Variants in SLC30A9 observed in about 807,000 individuals in gnomAD.
The protein encoded by SLC30A9 is solute carrier family 30 member 9, also known as proton-coupled zinc antiporter SLC30A9, mitochondrial.
A neutral mutation model predicts 87.5 loss-of-function variants in SLC30A9; 58 were observed. The ratio of observed to expected loss-of-function variants is 0.66; its 90% CI spans 0.54 to 0.82. The LOEUF (loss-of-function observed/expected upper bound fraction) is 0.82, where lower values mean the gene tolerates loss of function less well. SLC30A9 is among the 40% of genes least tolerant of loss of function. SLC30A9 has a pLI of 0.00. For synonymous variants in SLC30A9, 234 were observed against 233.0 expected (o/e 1.00, Z -0.04); for missense variants, 557 against 679.1 (o/e 0.82, Z 2.00).
chr4:42,082,672 A>G (rs1718784488), intron 17 of SLC30A9, among the ~76,000 whole-genome samples: 1 of 152,148 alleles, frequency 6.6e-6, no homozygotes, highest in Admixed American at 6.5e-5. Context: ...ATATGGTGAA[A>G]CCCCATCTCT....
Position 42,038,974 on chromosome 4 carries a change from G to GT in SLC30A9, c.670-5dup. ...TTTGGAGGTATTAAAAAAAGTTTTTGTTTTTTTACAGCCACGCTCCAGAAC... is the reference window on the plus strand; with the variant it reads ...TTTGGAGGTATTAAAAAAAGTTTTTGTTTTTTTTACAGCCACGCTCCAGAAC... On this transcript the variant is annotated splice_polypyrimidine_tract_variant and intron_variant, in intron 7 of 17. Coordinates refer to ENST00000264451, the MANE Select transcript of SLC30A9 (RefSeq NM_006345.4). 2.5e-6 allele frequency: 4 copies of GT among 1,610,902 alleles called. No homozygotes were observed. Among genetic ancestry groups the GT allele is most frequent in the Non-Finnish European group, 1.7e-6 (2 of 1,177,910 alleles).
At chr4:42,084,303 T>C (rs1255541440) in intron 17 of SLC30A9, among the ~76,000 whole-genome samples, 2 of 152,174 alleles carry the variant, frequency 1.3e-5, no homozygotes, top group South Asian at 4.1e-4. Context: ...AAAAGTCTTA[T>C]ACTACTTCTC....
At chr4:42,019,301 CTCTA>C (rs1286982013) in intron 3 of SLC30A9, among the ~76,000 whole-genome samples, 5 of 151,996 alleles carry the variant, frequency 3.3e-5, no homozygotes, top group Admixed American at 3.3e-4. Flanking sequence ...GCTTATTTAT[CTCTA>C]TCATATGACC....
At chr4:42,035,553 A>G (rs1002443584) in intron 7 of SLC30A9, among the ~76,000 whole-genome samples, 1 of 148,728 alleles carries the variant, frequency 6.7e-6, no homozygotes, top group African/African-American at 2.5e-5. Context: ...GCTGGAGTGC[A>G]GTAGTGTAAT....
At chr4:42,057,937 A>G (rs1257472886) in intron 9 of SLC30A9, among the ~76,000 whole-genome samples, 5 of 151,756 alleles carry the variant, frequency 3.3e-5, no homozygotes, top group African/African-American at 1.2e-4. Context: ...CCCCATCTCT[A>G]CTAAAAATAC....
chr4:42,022,518 TTTCAC>T (rs2153135565), intron 4 of SLC30A9, among the ~76,000 whole-genome samples: 1 of 152,224 alleles, frequency 6.6e-6, no homozygotes, highest in South Asian at 2.1e-4. Context: ...TTACCTAACT[TTTCAC>T]TTTTTTCCCC....
intron 6 of SLC30A9, chr4:42,029,764 TA>T: frequency 1.4e-6 from 1 of 731,896 alleles, no homozygotes. Context: ...AAGTGAGTTC[TA>T]GGCTTCAAAC....
Position 42,038,974 on chromosome 4 carries a change from G to T in SLC30A9, c.670-12G>T, listed in dbSNP as rs1560547195. On this transcript the variant is annotated splice_polypyrimidine_tract_variant and intron_variant, in intron 7 of 17. Transcript: ENST00000264451. ...TTTGGAGGTATTAAAAAAAGTTTTT[G>T]TTTTTTTACAGCCACGCTCCAGAAC... 1 of 1,610,908 alleles carries T rather than the reference G, an allele frequency of 6.2e-7. No individual in the cohort carries two copies. The highest frequency in any genetic ancestry group is 1.1e-5 in the South Asian group (1 of 90,596).
At chr4:42,007,653 A>G (rs972486965) in intron 2 of SLC30A9, among the ~76,000 whole-genome samples, 1 of 152,178 alleles carries the variant, frequency 6.6e-6, no homozygotes, top group Non-Finnish European at 1.5e-5. Context: ...GCTACTCGGG[A>G]GGCTGAGGCA....
At position 42,090,184 on chromosome 4, in the gene SLC30A9, C is replaced by G. The variant is rs1016089679; in HGVS notation, c.*4058C>G. 7.9e-5 allele frequency: 12 copies of G among 152,274 alleles called. No homozygotes were observed. Among genetic ancestry groups the G allele is most frequent in the African/African-American group, 2.6e-4 (11 of 41,548 alleles). The allele number at this position is 152,274 out of a possible 1,614,324, so 9.4% of individuals were successfully genotyped here. A position where few individuals can be genotyped will look rare whatever the true frequency, so the allele number is the denominator to read the frequency against. On this transcript the variant is annotated 3_prime_UTR_variant, in exon 18 of 18. Transcript: ENST00000264451. ...GTCAGAAGTCAGTGAAGCAAAGAAT[C>G]GAAGGTAAAATGTTGATTCAAAGAT...
intron 6 of SLC30A9, chr4:42,029,649 G>T: frequency 1.6e-6 from 1 of 610,668 alleles, no homozygotes; most frequent in South Asian, 1.6e-5. Flanking sequence ...AATGAGGTGA[G>T]CGAAAGTCTG....
At chr4:42,066,152 A>G (rs1466998313) in intron 12 of SLC30A9, among the ~76,000 whole-genome samples, 3 of 152,066 alleles carry the variant, frequency 2.0e-5, no homozygotes, top group African/African-American at 4.8e-5. Flanking sequence ...CCCTTCATCT[A>G]TTTTTAAAAT....
chr4:42,029,229 T>G, intron 6 of SLC30A9: 2 of 431,424 alleles, frequency 4.6e-6, no homozygotes. Context: ...GGAAAGCCAA[T>G]GAGGAGGGCA....
intron 6 of SLC30A9, among the ~76,000 whole-genome samples, chr4:42,033,767 G>A (rs891946103): frequency 6.6e-5 from 10 of 152,216 alleles, no homozygotes; most frequent in African/African-American, 2.4e-4. Context: ...AGTAGAGACG[G>A]GGTTTCACCA....
At chr4:42,072,889 C>G (rs1718370154) in intron 15 of SLC30A9, among the ~76,000 whole-genome samples, 1 of 149,084 alleles carries the variant, frequency 6.7e-6, no homozygotes, top group African/African-American at 2.5e-5. Context: ...TCTTGGCTCA[C>G]TGGAACCTCC....
Position 42,066,535 on chromosome 4 carries a change from A to G in SLC30A9, c.1073-15A>G. 6.3e-7 allele frequency: 1 copy of G among 1,579,284 alleles called. No homozygotes were observed. Among genetic ancestry groups the G allele is most frequent in the Non-Finnish European group, 8.7e-7 (1 of 1,155,860 alleles). On this transcript the variant is annotated splice_polypyrimidine_tract_variant and intron_variant, in intron 12 of 17. Transcript: ENST00000264451. ...TGAAGTTTCTGTCTTGCTGATATGA[A>G]TGCTTTTCTTTTAGCAACACTTCTT...
chr4:42,029,172 C>A, intron 6 of SLC30A9: 1 of 370,180 alleles, frequency 2.7e-6, no homozygotes, highest in South Asian at 2.3e-5. Flanking sequence ...AAGCCACCCA[C>A]CCTTCCGACT....
At position 42,045,530 on chromosome 4, in the gene SLC30A9, G is replaced by T. The variant is rs187088791; in HGVS notation, c.738-3847G>T. On this transcript the variant is annotated intron_variant, in intron 8 of 17. Transcript: ENST00000264451. ...TAAACCAGGAAGAAGTTGAATTCCT[G>T]AGTAGACCAATAACAAGTTCTGAAA... 5.6e-4 allele frequency among the ~76,000 whole-genome samples: 84 copies of T among 151,070 alleles called. 4 individuals are homozygous for T. The highest frequency in any genetic ancestry group is 3.6e-3 in the Admixed American group (55 of 15,128).
chr4:42,022,089 C>G (rs1211093830), intron 4 of SLC30A9, among the ~76,000 whole-genome samples: 1 of 75,598 alleles, frequency 1.3e-5, no homozygotes, highest in Non-Finnish European at 3.9e-5. Flanking sequence ...GCGCCCGCCA[C>G]CACGCCCGGC....
Sources: gnomAD v4.1 joint callset for allele counts (sites outside exome capture counted in the v4.1 genomes callset) on GRCh38, gnomAD v4.1.1 for gene constraint, MANE v1.5 for transcripts, NCBI Gene and HGNC (gene_info 2026-07-23, HGNC 2026-07-21) for gene names.